The following ERICH3 variants were observed in gnomAD, a reference collection of about 807,000 sequenced individuals.
ERICH3 encodes the protein glutamate rich 3.
Under a neutral mutation model 131.1 loss-of-function variants are expected in ERICH3, and 126 were observed. The observed-to-expected ratio is 0.96, with a 90% CI of 0.83 to 1.11. The LOEUF is 1.11. Ranked by LOEUF, ERICH3 falls within the 50% of genes most tolerant of loss-of-function variation. ERICH3 has a pLI of 0.00. For missense variants in ERICH3, 2,050 were observed against 1,810.7 expected (o/e 1.13, Z -2.40); for synonymous variants, 695 against 644.6 (o/e 1.08, Z -1.18).
intron 12 of ERICH3, 135 bp downstream of exon 12, chr1:74,589,496 A>G: frequency 1.2e-6 from 1 of 833,218 alleles, no homozygotes; most frequent in Middle Eastern, 3.7e-4. Context: ...TGTGACAAAG[A>G]GAGACACAGC....
chr1:74,591,009 T>C (rs1305626417), intron 11 of ERICH3, among the ~76,000 whole-genome samples: 1 of 152,218 alleles, frequency 6.6e-6, no homozygotes, highest in East Asian at 1.9e-4. Flanking sequence ...CACAGTATTC[T>C]GTGTGCATGA....
chr1:74,573,007 C>T lies in ERICH3; in HGVS notation c.2703G>A (p.Lys901=). 4 of 1,614,174 alleles carry T rather than the reference C, an allele frequency of 2.5e-6. No individual in the cohort carries two copies. Among genetic ancestry groups the T allele is most frequent in the South Asian group, 2.2e-5 (2 of 91,086 alleles). The change falls in exon 14 of 15, where the codon AAG becomes AAA. Residue 901 remains lysine, a synonymous_variant. Transcript: ENST00000326665. ...CTGCTGCTTCATTTGCAAGCACTGCCTTCTCTAAACCCTGTTCCCCTTCAG... is the reference window on the plus strand; with the variant it reads ...CTGCTGCTTCATTTGCAAGCACTGCTTTCTCTAAACCCTGTTCCCCTTCAG... The part of the protein sequence containing the change: ...AASEGEQGLE[K]AVLANEAAAL...
intron 12 of ERICH3, among the ~76,000 whole-genome samples, chr1:74,583,953 A>C (rs538075336): frequency 6.6e-6 from 1 of 152,284 alleles, no homozygotes; most frequent in East Asian, 1.9e-4. Flanking sequence ...GGGTTTTGTC[A>C]AGAATTTTCA....
At chr1:74,626,123 A>T (rs1380122582) in intron 7 of ERICH3, 1 of 152,184 alleles carries the variant, frequency 6.6e-6, no homozygotes, top group Non-Finnish European at 1.5e-5. Context: ...TTATCTTTTT[A>T]AATTGACTAT....
At position 74,643,409 on chromosome 1, in the gene ERICH3, A is replaced by AT. The variant is rs540182021; in HGVS notation, c.244-312dup. 6.7e-4 allele frequency among the ~76,000 whole-genome samples: 102 copies of AT among 152,052 alleles called. 1 individual carries two copies. Among genetic ancestry groups the AT allele is most frequent in the African/African-American group, 2.3e-3 (95 of 41,496 alleles). On this transcript the variant is annotated intron_variant, in intron 3 of 14. Transcript: ENST00000326665. ...TATGCACAAAGATGCTATCTGAAAG[A>AT]TTTTTTTTCCTTTTTCTTCAAGGCA...
chr1:74,626,001 A>G (rs2100617099), intron 7 of ERICH3: 1 of 152,212 alleles, frequency 6.6e-6, no homozygotes, highest in East Asian at 1.9e-4. Context: ...ATAAGAAAAT[A>G]CATCATACTT....
intron 6 of ERICH3, 73 bp from the exon 7 acceptor site, chr1:74,632,001 C>T: frequency 7.3e-7 from 1 of 1,367,168 alleles, no homozygotes; most frequent in Non-Finnish European, 1.0e-6. Flanking sequence ...AATTTAAAGA[C>T]AAGCCTAAAT....
chr1:74,643,688 A>T (rs544787445), intron 3 of ERICH3, among the ~76,000 whole-genome samples: 9 of 152,210 alleles, frequency 5.9e-5, no homozygotes, highest in African/African-American at 2.2e-4. Context: ...TTTCTTCTTG[A>T]ACAACTCTAA....
At chr1:74,654,052 G>C (rs898867587) in intron 1 of ERICH3, among the ~76,000 whole-genome samples, 1 of 152,068 alleles carries the variant, frequency 6.6e-6, no homozygotes, top group Admixed American at 6.6e-5. Context: ...CAAATAACAT[G>C]TTCCTCATTT....
At chr1:74,623,932 C>A (rs1007617825) in intron 7 of ERICH3, 2 of 152,146 alleles carry the variant, frequency 1.3e-5, no homozygotes, top group East Asian at 3.9e-4. Context: ...AATCTCCAGG[C>A]CTCTACAACT....
intron 11 of ERICH3, among the ~76,000 whole-genome samples, chr1:74,598,041 T>C (rs1647939026): frequency 6.6e-6 from 1 of 151,974 alleles, no homozygotes; most frequent in Non-Finnish European, 1.5e-5. Flanking sequence ...CATTTTCTTT[T>C]CTAACTTAGG....
chr1:74,634,534 G>GA lies in ERICH3; in HGVS notation c.603+1745dup, dbSNP rs372193659. On this transcript the variant is annotated intron_variant, in intron 6 of 14. Transcript: ENST00000326665. The stretch of plus-strand genomic sequence containing the variant: ...ACAGATTTGAAGAGTCACATTAAAG[G>GA]AAAAAAAAATTGCTCCCCAGCCAGC... 4,261 of 591,746 alleles carry GA rather than the reference G, an allele frequency of 7.2e-3. 13 individuals carry two copies. The highest frequency in any genetic ancestry group is 9.7e-3 in the Non-Finnish European group (3,190 of 330,562). The allele number at this position is 591,746 out of a possible 1,614,324, so 36.7% of individuals were successfully genotyped here.
chr1:74,596,280 A>G (rs1557675543), intron 11 of ERICH3, among the ~76,000 whole-genome samples: 1 of 151,846 alleles, frequency 6.6e-6, no homozygotes, highest in Non-Finnish European at 1.5e-5. Context: ...TTCAATCTCA[A>G]TCTGTCTAAT....
intron 3 of ERICH3, among the ~76,000 whole-genome samples, chr1:74,644,431 T>A (rs2100637664): frequency 6.6e-6 from 1 of 152,210 alleles, no homozygotes; most frequent in East Asian, 1.9e-4. Context: ...GTTCCCCCAG[T>A]GCTCATCTTA....
chr1:74,612,741 T>A lies in ERICH3; in HGVS notation c.1069A>T (p.Met357Leu). 6.2e-7 allele frequency: 1 copy of A among 1,602,962 alleles called. No homozygotes were observed. The highest frequency in any genetic ancestry group is 1.1e-5 in the South Asian group (1 of 89,992). Residue 357 changes from methionine to leucine, a missense_variant, in exon 9 of 15, where the codon ATG becomes TTG. Physicochemically the swap from Met to Leu is conservative, Grantham distance 15. Coordinates refer to ENST00000326665, the MANE Select transcript of ERICH3 (RefSeq NM_001002912.5). ...PFSLTFFLNG[M>L]QVNRLSSCCE... ...CAGGAGCTTAACCTGTTCACCTGCATCCCATTCAGGAAAAAGGTGAGACTG... is the reference window on the plus strand; with the variant it reads ...CAGGAGCTTAACCTGTTCACCTGCAACCCATTCAGGAAAAAGGTGAGACTG...
chr1:74,602,242 C>A (rs372569682), intron 10 of ERICH3, among the ~76,000 whole-genome samples: 1 of 151,884 alleles, frequency 6.6e-6, no homozygotes, highest in African/African-American at 2.4e-5. Context: ...GTCAAGGCTG[C>A]CCTGGCTTTA....
In ERICH3 at chr1:74,572,403, C is replaced by T. The variant is rs981224325; in HGVS notation, c.3307G>A (p.Gly1103Arg). Residue 1103 changes from glycine to arginine, a missense_variant, in exon 14 of 15, where the codon GGG (glycine) becomes AGG (arginine). By Grantham distance (125) the Gly-to-Arg change is moderately radical (BLOSUM62 -2). Transcript: ENST00000326665. ...KEEQKLKAEE[G>R]ETETEVRAEE... ...GCTCTTACTTCTGTCTCTGTTTCCC[C>T]TTCTTCCGCTTTAAGTTTTTGCTCT... is the stretch of plus-strand genomic sequence containing the variant. The T allele has an allele frequency of 5.6e-6, 9 of 1,613,684 alleles. No individual in the cohort carries two copies. The African/African-American group carries it at 8.0e-5, about 14-fold the overall frequency.
intron 1 of ERICH3, among the ~76,000 whole-genome samples, chr1:74,665,472 G>C (rs1315832158): frequency 6.6e-6 from 1 of 152,160 alleles, no homozygotes; most frequent in Non-Finnish European, 1.5e-5. Flanking sequence ...GCAGAGCCAA[G>C]TAATGAAGAG....
At chr1:74,595,205 TTTATA>T (rs1647790538) in intron 11 of ERICH3, among the ~76,000 whole-genome samples, 2 of 152,132 alleles carry the variant, frequency 1.3e-5, no homozygotes, top group Non-Finnish European at 2.9e-5. Context: ...AGAAAAACTG[TTTATA>T]TTATATGTCA....
Sources: allele counts gnomAD v4.1 joint callset (sites outside exome capture counted in the v4.1 genomes callset), GRCh38; gene constraint gnomAD v4.1.1; transcripts MANE v1.5; gene names NCBI Gene and HGNC (gene_info 2026-07-23, HGNC 2026-07-21).